Variants in MDGA2 observed in about 807,000 individuals in gnomAD.
MDGA2 encodes MAM domain-containing glycosylphosphatidylinositol anchor protein 2.
A neutral mutation model predicts 117.8 loss-of-function variants in MDGA2; 40 were observed. The observed-to-expected ratio is 0.34, with a 90% CI of 0.26 to 0.44. MDGA2 has a LOEUF of 0.44. Among genes scored for constraint, MDGA2 ranks in the 20% least tolerant of loss-of-function variants. The probability of loss-of-function intolerance (pLI) is 1.00; values close to 1 mark genes in which losing one functional copy is unlikely to be tolerated. For synonymous variants in MDGA2, 452 were observed against 439.0 expected (o/e 1.03, Z -0.37); for missense variants, 1,123 against 1,250.6 (o/e 0.90, Z 1.54).
At chr14:46,991,985 G>A (rs540187273) in intron 8 of MDGA2, among the ~76,000 whole-genome samples, 59 of 152,212 alleles carry the variant, frequency 3.9e-4, no homozygotes, top group African/African-American at 1.4e-3. Context: ...AAATTGCACA[G>A]TTGTATGGTC....
At chr14:47,295,282 A>T (rs1481204138) in intron 2 of MDGA2, among the ~76,000 whole-genome samples, 1 of 152,166 alleles carries the variant, frequency 6.6e-6, no homozygotes, top group Non-Finnish European at 1.5e-5. Context: ...AAACAGGCAT[A>T]CCTATGTTTA....
At chr14:47,467,538 T>C (rs1055876654) in intron 1 of MDGA2, among the ~76,000 whole-genome samples, 1 of 152,112 alleles carries the variant, frequency 6.6e-6, no homozygotes, top group Non-Finnish European at 1.5e-5. Context: ...TAGCTTGTCA[T>C]AATTTTCAAC....
intron 1 of MDGA2, among the ~76,000 whole-genome samples, chr14:47,639,216 G>T (rs1897378185): frequency 6.6e-6 from 1 of 152,054 alleles, no homozygotes; most frequent in African/African-American, 2.4e-5. Context: ...TAAATTTGTT[G>T]TCTATTTTAC....
chr14:46,878,400 T>C (rs1043669297), intron 11 of MDGA2, among the ~76,000 whole-genome samples: 10 of 152,038 alleles, frequency 6.6e-5, no homozygotes, highest in African/African-American at 2.2e-4. Flanking sequence ...GGATTACAAT[T>C]GGCAGTTAAT....
intron 9 of MDGA2, among the ~76,000 whole-genome samples, chr14:46,925,701 G>GA (rs1210642880): frequency 7.0e-6 from 1 of 143,610 alleles, no homozygotes; most frequent in African/African-American, 2.6e-5. Flanking sequence ...TCATACAATA[G>GA]AAAAATATAA....
At chr14:47,499,932 A>C (rs1273334401) in intron 1 of MDGA2, among the ~76,000 whole-genome samples, 2 of 152,108 alleles carry the variant, frequency 1.3e-5, no homozygotes, top group Non-Finnish European at 2.9e-5. Context: ...GTCTATATTT[A>C]ATTTGAAGAT....
chr14:46,936,832 C>T (rs1884799182), intron 9 of MDGA2, among the ~76,000 whole-genome samples: 1 of 151,942 alleles, frequency 6.6e-6, no homozygotes, highest in Admixed American at 6.6e-5. Flanking sequence ...CCACAGCTAA[C>T]ATCATACTGA....
At chr14:47,258,380 C>A (rs1887690531) in intron 2 of MDGA2, among the ~76,000 whole-genome samples, 1 of 151,910 alleles carries the variant, frequency 6.6e-6, no homozygotes, top group Admixed American at 6.6e-5. Context: ...TTTTACATAG[C>A]CAGAGCAAGA....
chr14:47,011,439 T>C (rs1479424918), intron 8 of MDGA2, among the ~76,000 whole-genome samples: 1 of 152,004 alleles, frequency 6.6e-6, no homozygotes, highest in Non-Finnish European at 1.5e-5. Context: ...TTTCTGCTCA[T>C]ATGTTGAGAA....
intron 1 of MDGA2, among the ~76,000 whole-genome samples, chr14:47,663,837 GTGGCTGATTTTTATAAAC>G (rs1164477836): frequency 6.6e-6 from 1 of 151,916 alleles, no homozygotes; most frequent in Non-Finnish European, 1.5e-5. Flanking sequence ...TTCCAATTGG[GTGGCTGATTTTTATAAAC>G]TGCTGTTTTC....
chr14:47,481,727 C>A (rs562373004), intron 1 of MDGA2, among the ~76,000 whole-genome samples: 1 of 151,868 alleles, frequency 6.6e-6, no homozygotes, highest in Admixed American at 6.6e-5. Flanking sequence ...CATTTATGGG[C>A]CAGAAATGAT....
At chr14:46,933,349 AT>A (rs918664242) in intron 9 of MDGA2, among the ~76,000 whole-genome samples, 34 of 151,620 alleles carry the variant, frequency 2.2e-4, no homozygotes, top group African/African-American at 8.0e-4. Context: ...CTTTAAAAAA[AT>A]TTTTTTTTGG....
At chr14:47,510,890 C>A (rs906399403) in intron 1 of MDGA2, among the ~76,000 whole-genome samples, 1 of 152,178 alleles carries the variant, frequency 6.6e-6, no homozygotes, top group Non-Finnish European at 1.5e-5. Flanking sequence ...TGCTTTGCTC[C>A]CATAGTGTGG....
chr14:47,562,046 T>C (rs1895826872), intron 1 of MDGA2, among the ~76,000 whole-genome samples: 1 of 152,228 alleles, frequency 6.6e-6, no homozygotes, highest in South Asian at 2.1e-4. Context: ...TTTGCAAATA[T>C]TGAACCAACT....
intron 1 of MDGA2, among the ~76,000 whole-genome samples, chr14:47,413,805 G>A (rs1410074666): frequency 2.0e-5 from 3 of 151,790 alleles, no homozygotes; most frequent in Non-Finnish European, 2.9e-5. Context: ...ACAAAAGGAC[G>A]TTATGAAAAC....
In MDGA2 at chr14:47,091,255, T is replaced by A. The variant is rs113308823; in HGVS notation, c.1195+5599A>T. On this transcript the variant is annotated intron_variant, in intron 6 of 16. Transcript: ENST00000399232. ...AAAAGAGATTCTCTCACTAAACACA[T>A]GTTTATTGAGCATCTACTATATGCT... Among the ~76,000 whole-genome samples, 335 of 152,250 alleles carry A rather than the reference T, an allele frequency of 2.2e-3. 2 individuals carry two copies. The highest frequency in any genetic ancestry group is 7.6e-3 in the African/African-American group (314 of 41,548).
chr14:46,969,209 T>C (rs1048574112), intron 8 of MDGA2, among the ~76,000 whole-genome samples: 1 of 152,198 alleles, frequency 6.6e-6, no homozygotes, highest in African/African-American at 2.4e-5. Flanking sequence ...GCAATAAACA[T>C]GCATGTGCAT....
In MDGA2 at chr14:47,516,071, G is replaced by C. The variant is rs556011114; in HGVS notation, c.280+158446C>G. On this transcript the variant is annotated intron_variant, in intron 1 of 16. Transcript: ENST00000399232. ...TCATTAGCCCCAGTTCAAAGACTTA[G>C]TACATTTTCTTAGGCACAAAGTCCA... Among the ~76,000 whole-genome samples the C allele has an allele frequency of 2.0e-5, 3 of 152,208 alleles. No homozygotes were observed. In the East Asian group the frequency reaches 5.8e-4, roughly 29 times the overall value.
intron 1 of MDGA2, among the ~76,000 whole-genome samples, chr14:47,434,753 T>G (rs1292480568): frequency 6.6e-6 from 1 of 152,140 alleles, no homozygotes; most frequent in Non-Finnish European, 1.5e-5. Flanking sequence ...ATAGTTACAA[T>G]CAACATTTAA....
Sources: allele counts gnomAD v4.1 joint callset (sites outside exome capture counted in the v4.1 genomes callset), GRCh38; gene constraint gnomAD v4.1.1; transcripts MANE v1.5; gene names NCBI Gene and HGNC (gene_info 2026-07-23, HGNC 2026-07-21).